Variants in CCDC126 observed in about 807,000 individuals in gnomAD.
CCDC126 encodes coiled-coil domain-containing protein 126.
In CCDC126, 5 loss-of-function variants were observed where a neutral mutation model predicts 11.7. The ratio of observed to expected loss-of-function variants is 0.43; its 90% CI spans 0.22 to 0.90. The LOEUF is 0.90. Ranked by LOEUF, CCDC126 falls within the 40% of genes least tolerant of loss-of-function variation. The probability of loss-of-function intolerance (pLI) is 0.27; values close to 1 mark genes in which losing one functional copy is unlikely to be tolerated. For synonymous variants in CCDC126, 60 were observed against 61.9 expected (o/e 0.97, Z 0.14); for missense variants, 150 against 163.1 (o/e 0.92, Z 0.44).
Position 23,643,182 on chromosome 7 carries a change from A to G in CCDC126, c.*67A>G, listed in dbSNP as rs1166890080. 4 of 1,408,574 alleles carry G rather than the reference A, an allele frequency of 2.8e-6. No individual in the cohort carries two copies. The highest frequency in any genetic ancestry group is 3.9e-6 in the Non-Finnish European group (4 of 1,024,370). The allele number at this position is 1,408,574 out of a possible 1,614,324, so 87.3% of individuals were successfully genotyped here. On this transcript the variant is annotated 3_prime_UTR_variant, in exon 4 of 4. Transcript: ENST00000307471. ...ATATCCTATGGCAGAAAAGCTTTAT[A>G]ATTGCTGGCTTAGGACAGAGCAATA...
rs368070236 is a variant in CCDC126 at position 23,643,100 on chromosome 7, G to A, written c.408G>A (p.Ser136=). Residue 136 remains serine, a synonymous_variant, in exon 4 of 4, where the codon TCG becomes TCA. Coordinates refer to ENST00000307471, the MANE Select transcript of CCDC126 (RefSeq NM_138771.4). ...PVTTNKRTNV[S]GSIR ...CCACAAATAAAAGAACGAATGTCTC[G>A]GGCAGTATCAGATAGCAGTTGAAAA... The A allele has an allele frequency of 2.2e-5, 36 of 1,613,594 alleles. No homozygotes were observed. The African/African-American group carries it at 2.7e-4, about 12-fold the overall frequency.
At chr7:23,617,077 G>A (rs980461153) in intron 3 of CCDC126, among the ~76,000 whole-genome samples, 5 of 151,780 alleles carry the variant, frequency 3.3e-5, no homozygotes, top group Admixed American at 6.6e-5. Flanking sequence ...GGCTGGGCGC[G>A]GTGGCTCACC....
chr7:23,635,738 A>T (rs573022443), intron 3 of CCDC126, among the ~76,000 whole-genome samples: 1 of 152,278 alleles, frequency 6.6e-6, no homozygotes, highest in East Asian at 1.9e-4. Flanking sequence ...TTTTTCTTTA[A>T]TTGCCAATTT....
intron 3 of CCDC126, among the ~76,000 whole-genome samples, chr7:23,614,683 A>T (rs958362025): frequency 6.6e-6 from 1 of 152,172 alleles, no homozygotes. Context: ...TGGGCAGGAG[A>T]ATGGATGTTG....
intron 3 of CCDC126, among the ~76,000 whole-genome samples, chr7:23,642,627 G>T (rs911786619): frequency 3.3e-5 from 5 of 151,934 alleles, no homozygotes; most frequent in African/African-American, 1.2e-4. Context: ...GCTGGGCGTG[G>T]TGGTGGGCGC....
chr7:23,609,422 C>T (rs1388639721), intron 2 of CCDC126, among the ~76,000 whole-genome samples: 1 of 152,150 alleles, frequency 6.6e-6, no homozygotes. Context: ...CCACCAACCT[C>T]GGCCTCCCAA....
chr7:23,599,743 GC>G (rs1211568315), intron 2 of CCDC126, among the ~76,000 whole-genome samples: 1 of 151,970 alleles, frequency 6.6e-6, no homozygotes, highest in African/African-American at 2.4e-5. Context: ...ATAGGTGTGA[GC>G]CCTGGAGCCC....
chr7:23,607,084 A>G (rs779626043), intron 2 of CCDC126, among the ~76,000 whole-genome samples: 1 of 152,188 alleles, frequency 6.6e-6, no homozygotes, highest in Non-Finnish European at 1.5e-5. Flanking sequence ...GGGGCAACAG[A>G]GCGAGACCCT....
intron 2 of CCDC126, among the ~76,000 whole-genome samples, chr7:23,608,384 A>G (rs746058712): frequency 3.3e-5 from 5 of 152,194 alleles, no homozygotes; most frequent in Admixed American, 6.5e-5. Context: ...AGCTTGTTCA[A>G]CCTGCAACCC....
rs1783420922 is a variant in CCDC126 at position 23,644,271 on chromosome 7, C to G, written c.*1156C>G. On this transcript the variant is annotated 3_prime_UTR_variant, in exon 4 of 4. Coordinates refer to ENST00000307471, the MANE Select transcript of CCDC126 (RefSeq NM_138771.4). ...AAAAGCTGTATATAGCACAGGGAAC[C>G]CTAATCTTGGGTAATTCTAGTATAA... 6.6e-6 allele frequency: 1 copy of G among 152,264 alleles called. No individual in the cohort carries two copies. Among genetic ancestry groups the G allele is most frequent in the South Asian group, 2.1e-4 (1 of 4,812 alleles). The allele number at this position is 152,264 out of a possible 1,614,324, so 9.4% of individuals were successfully genotyped here.
chr7:23,619,705 A>G (rs1288214469), intron 3 of CCDC126, among the ~76,000 whole-genome samples: 1 of 145,794 alleles, frequency 6.9e-6, no homozygotes, highest in Non-Finnish European at 1.5e-5. Flanking sequence ...TACATTAGGT[A>G]TATCTCCTAA....
intron 3 of CCDC126, among the ~76,000 whole-genome samples, chr7:23,621,426 T>C (rs113235599): frequency 5.1e-4 from 77 of 152,382 alleles, no homozygotes; most frequent in African/African-American, 1.9e-3. Flanking sequence ...TGCACATTGA[T>C]ATTGTATCCT....
chr7:23,603,129 C>G (rs1183292380), intron 2 of CCDC126, among the ~76,000 whole-genome samples: 1 of 152,178 alleles, frequency 6.6e-6, no homozygotes, highest in Non-Finnish European at 1.5e-5. Flanking sequence ...ACTATGTTTA[C>G]TGATCATGGT....
At chr7:23,612,304 A>G (rs1782725894) in intron 3 of CCDC126, among the ~76,000 whole-genome samples, 1 of 151,350 alleles carries the variant, frequency 6.6e-6, no homozygotes, top group Non-Finnish European at 1.5e-5. Context: ...TACTAAAAAT[A>G]CAAACAAAAA....
rs148774340 is a variant in CCDC126, at chr7:23,644,138, ATT to A, written c.*1026_*1027del. The A allele has an allele frequency of 9.5e-3, 1,439 of 152,162 alleles. 24 individuals are homozygous for A. The highest frequency in any genetic ancestry group is 0.033 in the African/African-American group (1,384 of 41,532). The allele number at this position is 152,162 out of a possible 1,614,324, so 9.4% of individuals were successfully genotyped here. On this transcript the variant is annotated 3_prime_UTR_variant, in exon 4 of 4. Coordinates refer to ENST00000307471, the MANE Select transcript of CCDC126 (RefSeq NM_138771.4). ...ATTATATAAGAGTATCCTTTATGAAATTTTGAATTTGTATAACAGATGCATTA... is the reference window on the plus strand; with the variant it reads ...ATTATATAAGAGTATCCTTTATGAAATTGAATTTGTATAACAGATGCATTA...
chr7:23,599,034 A>G (rs1331071516), intron 2 of CCDC126, among the ~76,000 whole-genome samples: 1 of 152,186 alleles, frequency 6.6e-6, no homozygotes, highest in Admixed American at 6.5e-5. Context: ...TTCCTGCTTC[A>G]GGTCATATAA....
chr7:23,635,027 T>C (rs1374563428), intron 3 of CCDC126, among the ~76,000 whole-genome samples: 2 of 152,256 alleles, frequency 1.3e-5, no homozygotes, highest in African/African-American at 4.8e-5. Flanking sequence ...TTGTGTGCTA[T>C]GAAATAATCA....
At chr7:23,627,277 G>A (rs1251755261) in intron 3 of CCDC126, among the ~76,000 whole-genome samples, 1 of 152,006 alleles carries the variant, frequency 6.6e-6, no homozygotes, top group African/African-American at 2.4e-5. Flanking sequence ...CCACTCTGGG[G>A]GACTGAGGCA....
chr7:23,611,873 A>G lies in CCDC126; in HGVS notation c.238+320A>G, dbSNP rs140937972. Among the ~76,000 whole-genome samples, 865 of 152,270 alleles carry G rather than the reference A, an allele frequency of 5.7e-3. 11 individuals are homozygous for G. Among genetic ancestry groups the G allele is most frequent in the African/African-American group, 0.02 (835 of 41,560 alleles). On this transcript the variant is annotated intron_variant, in intron 3 of 3. Coordinates refer to ENST00000307471, the MANE Select transcript of CCDC126 (RefSeq NM_138771.4). ...AAATGTATGTTGGAGGCCGGGCGTG[A>G]TGGCTCACGCCTGTAATCCCAGCAC...
Sources: allele counts gnomAD v4.1 joint callset (sites outside exome capture counted in the v4.1 genomes callset), GRCh38; gene constraint gnomAD v4.1.1; transcripts MANE v1.5; gene names NCBI Gene and HGNC (gene_info 2026-07-23, HGNC 2026-07-21).